The following TRPC6 variants were observed in gnomAD, a reference collection of about 807,000 sequenced individuals.
TRPC6 encodes short transient receptor potential channel 6.
TRPC6 carries 55 observed loss-of-function variants against 90.7 expected under a neutral mutation model. The ratio of observed to expected loss-of-function variants is 0.61; its 90% CI spans 0.49 to 0.76. The LOEUF (loss-of-function observed/expected upper bound fraction) is 0.76, where lower values mean the gene tolerates loss of function less well. Among genes scored for constraint, TRPC6 ranks in the 30% least tolerant of loss-of-function variants. The pLI is 0.00. For missense variants in TRPC6, 989 were observed against 1,122.7 expected (o/e 0.88, Z 1.70); for synonymous variants, 393 against 393.0 (o/e 1.00, Z 0.00).
intron 9 of TRPC6, among the ~76,000 whole-genome samples, chr11:101,470,960 A>C (rs531780851): frequency 3.9e-5 from 6 of 152,116 alleles, no homozygotes; most frequent in African/African-American, 1.2e-4. Flanking sequence ...ATATTATTTT[A>C]GTTATATTTC....
At position 101,489,007 on chromosome 11, in the gene TRPC6, A is replaced by G; in HGVS notation, c.1223T>C (p.Leu408Pro). The G allele has an allele frequency of 6.2e-7, 1 of 1,614,214 alleles. No homozygotes were observed. The highest frequency in any genetic ancestry group is 8.5e-7 in the Non-Finnish European group (1 of 1,180,020). ...LRQQTMAVKFLVVLAVAIGLP... is the reference protein window; with the variant it reads ...LRQQTMAVKFPVVLAVAIGLP... ...TCCAATGGCAACAGCAAGGACCACAAGGAACTTGACCGCCATTGTCTGCTG... is the reference window on the plus strand; with the variant it reads ...TCCAATGGCAACAGCAAGGACCACAGGGAACTTGACCGCCATTGTCTGCTG... The change falls in exon 4 of 13, where the codon CTT (leucine) becomes CCT (proline). Residue 408 changes from leucine (L) to proline (P), a missense_variant. Coordinates refer to ENST00000344327, the MANE Select transcript of TRPC6 (RefSeq NM_004621.6).
intron 1 of TRPC6, among the ~76,000 whole-genome samples, chr11:101,536,047 C>T (rs1033309783): frequency 5.9e-5 from 9 of 152,216 alleles, no homozygotes; most frequent in Non-Finnish European, 4.4e-5. Context: ...AGACAGACTT[C>T]TCTCTTCATG....
Position 101,453,633 on chromosome 11 carries a change from T to A in TRPC6, c.2644+17A>T. On this transcript the variant is annotated intron_variant, in intron 12 of 12. Transcript: ENST00000344327. ...GACTCACATTCAGGGGCTGATTTGC[T>A]TCTGCGTTCAACTCACCTTCGTTCA... 1 of 1,613,534 alleles carries A rather than the reference T, an allele frequency of 6.2e-7. No individual in the cohort carries two copies. The highest frequency in any genetic ancestry group is 8.5e-7 in the Non-Finnish European group (1 of 1,179,532).
intron 10 of TRPC6, chr11:101,455,320 G>A (rs571958881): frequency 4.1e-6 from 2 of 491,066 alleles, no homozygotes; most frequent in Admixed American, 6.8e-5. Context: ...GTTGTCTGAG[G>A]AGTCTCTTAG....
At chr11:101,493,392 A>T (rs1170550407) in intron 2 of TRPC6, among the ~76,000 whole-genome samples, 1 of 152,140 alleles carries the variant, frequency 6.6e-6, no homozygotes, top group Non-Finnish European at 1.5e-5. Context: ...CTTGAGCTAG[A>T]GCTTGTTGTA....
chr11:101,462,981 C>A (rs528127404), intron 10 of TRPC6, among the ~76,000 whole-genome samples: 1 of 152,182 alleles, frequency 6.6e-6, no homozygotes, highest in East Asian at 1.9e-4. Context: ...AAGATACGTC[C>A]CATCAATACC....
intron 1 of TRPC6, 43 bp downstream of exon 1, chr11:101,583,291 C>T: frequency 6.5e-7 from 1 of 1,542,298 alleles, no homozygotes; most frequent in East Asian, 2.4e-5. Context: ...AACCTCCCTC[C>T]GCGCAGCCCG....
rs570499987 is a variant in TRPC6, at chr11:101,509,340, C to G, written c.171-4542G>C. 6.6e-5 allele frequency among the ~76,000 whole-genome samples: 10 copies of G among 152,062 alleles called. No individual in the cohort carries two copies. In the East Asian group the frequency reaches 1.9e-3, roughly 29 times the overall value. On this transcript the variant is annotated intron_variant, in intron 1 of 12. Coordinates refer to ENST00000344327, the MANE Select transcript of TRPC6 (RefSeq NM_004621.6). ...TATCAAACTCGTGGGCTCAAGTATC[C>G]TCCCACCTCAGCCTCCCAACATACT...
At chr11:101,569,190 A>G (rs1861900639) in intron 1 of TRPC6, among the ~76,000 whole-genome samples, 1 of 104,320 alleles carries the variant, frequency 9.6e-6, no homozygotes, top group Non-Finnish European at 2.0e-5. Flanking sequence ...AATGGAAAGC[A>G]AAAAAAAAAA....
intron 11 of TRPC6, among the ~76,000 whole-genome samples, chr11:101,454,216 T>TATCA: frequency 6.6e-6 from 1 of 152,206 alleles, no homozygotes; most frequent in South Asian, 2.1e-4. Flanking sequence ...CCTGGGCTTC[T>TATCA]ATCATGCAAA....
At chr11:101,575,179 G>C (rs1178147950) in intron 1 of TRPC6, among the ~76,000 whole-genome samples, 1 of 152,136 alleles carries the variant, frequency 6.6e-6, no homozygotes, top group Non-Finnish European at 1.5e-5. Context: ...CTGCATTATA[G>C]CATAGAAGCA....
chr11:101,453,715 T>C lies in TRPC6; in HGVS notation c.2579A>G (p.Lys860Arg). ...NPPRQYQKIM[K>R]RLIKRYVLQA... ...CAGTACATATCTTTTAATGAGCCTT[T>C]TCATTATTTTCTAGAAAACAGAGAA... Residue 860 changes from lysine to arginine, a missense_variant, in exon 12 of 13, where the codon AAA becomes AGA. By Grantham distance (26) the Lys-to-Arg change is conservative (BLOSUM62 2). Around this residue, in one of 4 missense-constraint regions of TRPC6, gnomAD observed 191 missense variants for 196.7 expected, o/e 0.97. Coordinates refer to ENST00000344327, the MANE Select transcript of TRPC6 (RefSeq NM_004621.6). 1 of 1,613,332 alleles carries C rather than the reference T, an allele frequency of 6.2e-7. No individual in the cohort carries two copies.
Position 101,499,252 on chromosome 11 carries a change from C to T in TRPC6, c.945+4772G>A, listed in dbSNP as rs183774603. Among the ~76,000 whole-genome samples, 155 of 152,038 alleles carry T rather than the reference C, an allele frequency of 1.0e-3. 1 individual carries two copies. The highest frequency in any genetic ancestry group is 3.7e-3 in the African/African-American group (153 of 41,452). On this transcript the variant is annotated intron_variant, in intron 2 of 12. Coordinates refer to ENST00000344327, the MANE Select transcript of TRPC6 (RefSeq NM_004621.6). ...TGTATCATTCACTAGAAAAGTATCT[C>T]AAACAGGCAAGGCAGAAAAGCTTAG...
In TRPC6 at chr11:101,549,917, T is replaced by C. The variant is rs1252047626; in HGVS notation, c.170+33417A>G. On this transcript the variant is annotated intron_variant, in intron 1 of 12. Transcript: ENST00000344327. ...GCAAATTAAAAACAATATGAGGTAC[T>C]GTTTTTTCCATACTGAGTTAGCAGT... Among the ~76,000 whole-genome samples, 3 of 151,580 alleles carry C rather than the reference T, an allele frequency of 2.0e-5. No individual in the cohort carries two copies. In the East Asian group the frequency reaches 5.8e-4, roughly 29 times the overall value.
chr11:101,536,609 G>A (rs1344641062), intron 1 of TRPC6, among the ~76,000 whole-genome samples: 1 of 152,080 alleles, frequency 6.6e-6, no homozygotes, highest in African/African-American at 2.4e-5. Flanking sequence ...TCCAGAAAGG[G>A]AAAATAACTA....
chr11:101,463,745 C>G (rs921006502), intron 10 of TRPC6, among the ~76,000 whole-genome samples: 2 of 152,106 alleles, frequency 1.3e-5, no homozygotes, highest in Admixed American at 1.3e-4. Context: ...TTGATCCTTT[C>G]AAAAAACCAG....
intron 5 of TRPC6, among the ~76,000 whole-genome samples, chr11:101,479,206 G>A (rs1430627529): frequency 6.6e-6 from 1 of 152,216 alleles, no homozygotes; most frequent in African/African-American, 2.4e-5. Context: ...CCCAGGGCCT[G>A]CAGATGTGGT....
intron 1 of TRPC6, among the ~76,000 whole-genome samples, chr11:101,514,954 ATCCT>A (rs1312020714): frequency 6.6e-6 from 1 of 152,196 alleles, no homozygotes; most frequent in Non-Finnish European, 1.5e-5. Flanking sequence ...TGAGTTGGGA[ATCCT>A]TACTCTGTCA....
At chr11:101,538,278 A>T (rs1222254823) in intron 1 of TRPC6, among the ~76,000 whole-genome samples, 10 of 152,036 alleles carry the variant, frequency 6.6e-5, no homozygotes, top group Non-Finnish European at 1.5e-5. Context: ...GCTTATTTTG[A>T]AAAAGCTATT....
Sources: allele counts gnomAD v4.1 joint callset (sites outside exome capture counted in the v4.1 genomes callset), GRCh38; gene constraint gnomAD v4.1.1; regional missense constraint gnomAD v4.1.1; transcripts MANE v1.5; gene names NCBI Gene and HGNC (gene_info 2026-07-23, HGNC 2026-07-21).